The following MAP3K5 variants were observed in gnomAD, a reference collection of about 807,000 sequenced individuals.
The protein encoded by MAP3K5 is ASK-1.
MAP3K5 carries 56 observed loss-of-function variants against 158.7 expected under a neutral mutation model. The ratio of observed to expected loss-of-function variants is 0.35; its 90% CI spans 0.28 to 0.44. The LOEUF (loss-of-function observed/expected upper bound fraction) is 0.44. MAP3K5 is among the 20% of genes least tolerant of loss of function. MAP3K5 has a pLI of 1.00. For missense variants in MAP3K5, 1,294 were observed against 1,674.8 expected, an observed-to-expected ratio of 0.77 and a Z score of 3.97; for synonymous variants, 579 against 601.7, an observed-to-expected ratio of 0.96 and a Z score of 0.55.
intron 1 of MAP3K5, among the ~76,000 whole-genome samples, chr6:136,782,486 G>A (rs1415006524): frequency 3.9e-5 from 6 of 152,128 alleles, no homozygotes; most frequent in Non-Finnish European, 8.8e-5. Flanking sequence ...GGGTGTAGAA[G>A]AGGCTACAAG....
At chr6:136,786,455 G>A (rs1784848276) in intron 1 of MAP3K5, among the ~76,000 whole-genome samples, 1 of 151,736 alleles carries the variant, frequency 6.6e-6, no homozygotes, top group Non-Finnish European at 1.5e-5. Flanking sequence ...CAACACGATA[G>A]TATTGACATC....
At chr6:136,642,444 T>C (rs1459516058) in intron 12 of MAP3K5, 76 bp downstream of exon 12, 1 of 995,908 alleles carries the variant, frequency 1.0e-6, no homozygotes, top group Non-Finnish European at 1.6e-6. Context: ...AAAATCATGA[T>C]TAGAAGTTCT....
chr6:136,778,575 G>C (rs571149874), intron 1 of MAP3K5, among the ~76,000 whole-genome samples: 1 of 152,126 alleles, frequency 6.6e-6, no homozygotes, highest in African/African-American at 2.4e-5. Flanking sequence ...TAGATATCTT[G>C]CAGATTTTAA....
rs1006938904 is a variant in MAP3K5 at position 136,654,813 on chromosome 6, GCA to G, written c.1680+1492_1680+1493del. Among the ~76,000 whole-genome samples, 26 of 151,548 alleles carry G rather than the reference GCA, an allele frequency of 1.7e-4. No homozygotes were observed. In the South Asian group the frequency reaches 3.6e-3, roughly 21 times the overall value. ...GCATATTTGGCAAATTGACAATTTTGCACAGTTTTATAAAACATTTTCTCCCT... is the reference window on the plus strand; with the variant it reads ...GCATATTTGGCAAATTGACAATTTTGCAGTTTTATAAAACATTTTCTCCCT... On this transcript the variant is annotated intron_variant, in intron 10 of 29. Coordinates refer to ENST00000359015, the MANE Select transcript of MAP3K5 (RefSeq NM_005923.4).
chr6:136,695,390 T>C (rs1457002499), intron 6 of MAP3K5, among the ~76,000 whole-genome samples: 1 of 152,180 alleles, frequency 6.6e-6, no homozygotes, highest in South Asian at 2.1e-4. Flanking sequence ...CCGACCACCT[T>C]GGCCTCTCAA....
At chr6:136,663,451 C>T (rs963009084) in intron 8 of MAP3K5, among the ~76,000 whole-genome samples, 3 of 152,088 alleles carry the variant, frequency 2.0e-5, no homozygotes, top group Non-Finnish European at 4.4e-5. Context: ...CATTATTGCA[C>T]CTAACAAAAA....
rs535671035 is a variant in MAP3K5 at position 136,699,490 on chromosome 6, C to T, written c.613-808G>A. Among the ~76,000 whole-genome samples, 5 of 152,262 alleles carry T rather than the reference C, an allele frequency of 3.3e-5. No individual in the cohort carries two copies. In the South Asian group the frequency reaches 1.0e-3, roughly 32 times the overall value. Reference sequence around the variant, plus strand: ...TGCTCTTGGGAGAAAGAAGAAATTGCAATGCAACGTACAAGGGCCTGACTA... The same window carrying T: ...TGCTCTTGGGAGAAAGAAGAAATTGTAATGCAACGTACAAGGGCCTGACTA... On this transcript the variant is annotated intron_variant, in intron 3 of 29. Coordinates refer to ENST00000359015, the MANE Select transcript of MAP3K5 (RefSeq NM_005923.4).
chr6:136,700,990 C>T (rs959089842), intron 3 of MAP3K5, among the ~76,000 whole-genome samples: 2 of 152,244 alleles, frequency 1.3e-5, no homozygotes, highest in African/African-American at 4.8e-5. Flanking sequence ...CATGTATTCA[C>T]CATGTGTGTG....
At chr6:136,722,314 A>T (rs1483335311) in intron 1 of MAP3K5, among the ~76,000 whole-genome samples, 3 of 152,242 alleles carry the variant, frequency 2.0e-5, no homozygotes, top group African/African-American at 4.8e-5. Flanking sequence ...GTTAATATAT[A>T]ACAAATTTAA....
intron 28 of MAP3K5, among the ~76,000 whole-genome samples, chr6:136,559,280 A>G (rs1426009885): frequency 6.6e-6 from 1 of 152,232 alleles, no homozygotes; most frequent in African/African-American, 2.4e-5. Flanking sequence ...TGAACCCGGG[A>G]GGCAGAGGTT....
At chr6:136,605,978 G>C (rs1776082005) in intron 18 of MAP3K5, among the ~76,000 whole-genome samples, 1 of 152,128 alleles carries the variant, frequency 6.6e-6, no homozygotes, top group Non-Finnish European at 1.5e-5. Flanking sequence ...GCTGTCTGTG[G>C]TCCATGGACT....
chr6:136,738,143 T>A (rs950800518), intron 1 of MAP3K5, among the ~76,000 whole-genome samples: 3 of 152,122 alleles, frequency 2.0e-5, no homozygotes, highest in Non-Finnish European at 2.9e-5. Context: ...GCACAATCAT[T>A]TTTTGGGAAC....
At chr6:136,634,116 A>G (rs926527299) in intron 14 of MAP3K5, among the ~76,000 whole-genome samples, 42 of 152,234 alleles carry the variant, frequency 2.8e-4, no homozygotes, top group African/African-American at 9.9e-4. Context: ...GAAATTAAAG[A>G]ATTCATTTTA....
At position 136,609,944 on chromosome 6, in the gene MAP3K5, CA is replaced by C. The variant is rs1776259257; in HGVS notation, c.2521+1337del. Among the ~76,000 whole-genome samples the C allele has an allele frequency of 1.3e-5, 2 of 151,702 alleles. No homozygotes were observed. The highest frequency in any genetic ancestry group is 4.8e-5 in the African/African-American group (2 of 41,372). ...CCCAGTCTCAAAACAAAAACAAAAA[CA>C]AAAAACCAGTCTGAGTTCTATCCGG... On this transcript the variant is annotated intron_variant, in intron 18 of 29. Coordinates refer to ENST00000359015, the MANE Select transcript of MAP3K5 (RefSeq NM_005923.4). The surrounding 1 kb of genome is among the most constrained non-coding windows in gnomAD (Gnocchi z 4.4).
Position 136,656,426 on chromosome 6 carries a change from A to G in MAP3K5, c.1561T>C (p.Tyr521His). The change falls in exon 10 of 30, where the codon TAT becomes CAT. Residue 521 changes from tyrosine to histidine, a missense_variant. Coordinates refer to ENST00000359015, the MANE Select transcript of MAP3K5 (RefSeq NM_005923.4). ...LKSIVETILI[Y>H]KHFVKLTTEQ... The stretch of plus-strand genomic sequence containing the variant: ...GTGGTCAGTTTCACAAAATGCTTAT[A>G]TATTAAAATTGTCTCTACAATAGAC... The G allele has an allele frequency of 6.2e-7, 1 of 1,603,468 alleles. No homozygotes were observed. The highest frequency in any genetic ancestry group is 8.5e-7 in the Non-Finnish European group (1 of 1,175,962).
chr6:136,658,499 G>A (rs1353266709), intron 9 of MAP3K5, among the ~76,000 whole-genome samples: 1 of 151,784 alleles, frequency 6.6e-6, no homozygotes, highest in East Asian at 1.9e-4. Flanking sequence ...AGTTTTAGTA[G>A]AGATGGGGTT....
intron 1 of MAP3K5, among the ~76,000 whole-genome samples, chr6:136,759,807 C>T (rs1783670913): frequency 1.4e-5 from 2 of 141,738 alleles, no homozygotes; most frequent in Admixed American, 7.3e-5. Flanking sequence ...GTTTATTTCA[C>T]CTGGGTGCAG....
intron 9 of MAP3K5, 61 bp downstream of exon 9, chr6:136,659,155 TATA>T: frequency 7.4e-7 from 1 of 1,345,830 alleles, no homozygotes; most frequent in South Asian, 1.3e-5. Context: ...GTTCAATAAA[TATA>T]ATATGGGAAC....
intron 25 of MAP3K5, among the ~76,000 whole-genome samples, chr6:136,576,101 T>C (rs1449721433): frequency 6.6e-6 from 1 of 152,222 alleles, no homozygotes; most frequent in Non-Finnish European, 1.5e-5. Context: ...CTCGTCCATA[T>C]ATTTATTTAT....
Sources: gnomAD v4.1 joint callset for allele counts (sites outside exome capture counted in the v4.1 genomes callset) on GRCh38, gnomAD v4.1.1 for gene constraint, Gnocchi (gnomAD v3.1) non-coding constraint, MANE v1.5 for transcripts, NCBI Gene and HGNC (gene_info 2026-07-23, HGNC 2026-07-21) for gene names.